ANKS1B: variants seen among roughly 807,000 people sequenced by gnomAD.
The protein encoded by ANKS1B is ankyrin repeat and sterile alpha motif domain-containing protein 1B.
In ANKS1B, 36 loss-of-function variants were observed where a neutral mutation model predicts 148.3. That is an observed-to-expected ratio of 0.24 (90% CI 0.19 to 0.32). The LOEUF (loss-of-function observed/expected upper bound fraction) is 0.32, where lower values mean the gene tolerates loss of function less well. Among genes scored for constraint, ANKS1B ranks in the 10% least tolerant of loss-of-function variants. The pLI is 1.00. For missense variants in ANKS1B, 1,157 were observed against 1,542.6 expected, an observed-to-expected ratio of 0.75 and a Z score of 4.19; for synonymous variants, 542 against 560.8, an observed-to-expected ratio of 0.97 and a Z score of 0.47.
chr12:99,863,055 C>CT (rs1211462395), intron 1 of ANKS1B, among the ~76,000 whole-genome samples: 1 of 152,218 alleles, frequency 6.6e-6, no homozygotes, highest in African/African-American at 2.4e-5. Context: ...GAACTAACAT[C>CT]TAACACCATA....
chr12:98,920,263 G>C (rs1042807089), intron 17 of ANKS1B, among the ~76,000 whole-genome samples: 27 of 152,180 alleles, frequency 1.8e-4, no homozygotes, highest in African/African-American at 6.5e-4. Context: ...CCAGAGGCTG[G>C]GCACCTTGAT....
rs77679543 is a variant in ANKS1B at position 99,055,934 on chromosome 12, G to A, written c.2626-2625C>T. On this transcript the variant is annotated intron_variant, in intron 16 of 26. Transcript: ENST00000683438. ...CCATCATATCAGGATTGCACGGAAT[G>A]CAGGCTGTTCAGTGGTCTGATTACT... Among the ~76,000 whole-genome samples the A allele has an allele frequency of 3.8e-3, 584 of 152,270 alleles. 4 individuals are homozygous for A. The highest frequency in any genetic ancestry group is 9.3e-3 in the South Asian group (45 of 4,818).
chr12:99,536,348 C>T (rs2097066395), intron 9 of ANKS1B, among the ~76,000 whole-genome samples: 1 of 152,168 alleles, frequency 6.6e-6, no homozygotes, highest in Non-Finnish European at 1.5e-5. Flanking sequence ...TGGGAAATCT[C>T]TGTACTTTCC....
chr12:98,996,695 C>A (rs956839817), intron 17 of ANKS1B, among the ~76,000 whole-genome samples: 1 of 151,636 alleles, frequency 6.6e-6, no homozygotes, highest in East Asian at 1.9e-4. Context: ...CGCCTGTAGT[C>A]CCAGCTACTT....
chr12:98,908,570 A>G (rs1168180132), intron 17 of ANKS1B, among the ~76,000 whole-genome samples: 1 of 152,238 alleles, frequency 6.6e-6, no homozygotes, highest in African/African-American at 2.4e-5. Context: ...GATGACATGT[A>G]TATTAAGAGA....
intron 1 of ANKS1B, among the ~76,000 whole-genome samples, chr12:99,891,163 G>C (rs1003082922): frequency 1.3e-5 from 2 of 152,216 alleles, no homozygotes; most frequent in African/African-American, 4.8e-5. Flanking sequence ...TCATGTAGTA[G>C]TAGGTCTATG....
chr12:99,217,195 T>C (rs565860330), intron 14 of ANKS1B, among the ~76,000 whole-genome samples: 1 of 152,144 alleles, frequency 6.6e-6, no homozygotes, highest in Non-Finnish European at 1.5e-5. Context: ...AAAATGTACG[T>C]TAACCTCTCC....
intron 8 of ANKS1B, among the ~76,000 whole-genome samples, chr12:99,728,393 A>G (rs1158265216): frequency 6.6e-6 from 1 of 152,264 alleles, no homozygotes; most frequent in Non-Finnish European, 1.5e-5. Flanking sequence ...ATCACTGATC[A>G]TTAGAGAAAT....
At chr12:99,737,804 C>T (rs1363406119) in intron 8 of ANKS1B, among the ~76,000 whole-genome samples, 1 of 151,822 alleles carries the variant, frequency 6.6e-6, no homozygotes, top group Admixed American at 6.6e-5. Context: ...GTTTTTTCTT[C>T]TCTTTTAGTT....
At chr12:99,255,652 T>C (rs992405007) in intron 12 of ANKS1B, among the ~76,000 whole-genome samples, 1 of 152,192 alleles carries the variant, frequency 6.6e-6, no homozygotes, top group Non-Finnish European at 1.5e-5. Context: ...ATTTGATATT[T>C]AGCATTTATA....
At chr12:99,518,957 T>A (rs1462924990) in intron 9 of ANKS1B, among the ~76,000 whole-genome samples, 1 of 152,112 alleles carries the variant, frequency 6.6e-6, no homozygotes, top group Non-Finnish European at 1.5e-5. Flanking sequence ...ATTTTTCAAT[T>A]TCCTTCTTAA....
At chr12:99,013,102 C>T (rs2099940399) in intron 17 of ANKS1B, among the ~76,000 whole-genome samples, 1 of 152,168 alleles carries the variant, frequency 6.6e-6, no homozygotes, top group African/African-American at 2.4e-5. Context: ...AAATAGCCAT[C>T]CTGGGGCTTA....
At chr12:99,974,596 G>C (rs919088215) in intron 1 of ANKS1B, among the ~76,000 whole-genome samples, 1 of 152,050 alleles carries the variant, frequency 6.6e-6, no homozygotes, top group Non-Finnish European at 1.5e-5. Context: ...AATTAGCCAG[G>C]CATGGTGGTT....
At chr12:99,172,529 C>G (rs2077892623) in intron 14 of ANKS1B, among the ~76,000 whole-genome samples, 1 of 152,100 alleles carries the variant, frequency 6.6e-6, no homozygotes, top group Admixed American at 6.6e-5. Flanking sequence ...CAAAGTAAGC[C>G]CTGGTTCAAC....
chr12:99,210,918 C>T (rs1429080070), intron 14 of ANKS1B, among the ~76,000 whole-genome samples: 2 of 152,228 alleles, frequency 1.3e-5, no homozygotes, highest in African/African-American at 4.8e-5. Flanking sequence ...TAAATGTTTG[C>T]ATGCAGCCAT....
chr12:99,495,342 AGTGTGTGTGTGTGTGT>A (rs56107230), intron 10 of ANKS1B, among the ~76,000 whole-genome samples: 6 of 145,396 alleles, frequency 4.1e-5, no homozygotes, highest in East Asian at 2.0e-4. Context: ...GGGGAGAAAA[AGTGTGTGTGTGTGTGT>A]GTGTGTGTGT....
intron 1 of ANKS1B, among the ~76,000 whole-genome samples, chr12:99,842,687 T>G (rs1295395504): frequency 6.6e-6 from 1 of 152,118 alleles, no homozygotes; most frequent in East Asian, 1.9e-4. Context: ...CACTTGCCCA[T>G]GCTATATTTG....
chr12:99,890,296 T>C (rs1050764400), intron 1 of ANKS1B, among the ~76,000 whole-genome samples: 1 of 152,146 alleles, frequency 6.6e-6, no homozygotes, highest in Non-Finnish European at 1.5e-5. Flanking sequence ...CCCTCCCTAA[T>C]GTAGATGAGG....
In ANKS1B at chr12:99,896,420, G is replaced by A. The variant is rs1036313089; in HGVS notation, c.135-71031C>T. Among the ~76,000 whole-genome samples the A allele has an allele frequency of 1.3e-4, 19 of 151,162 alleles. 1 individual carries two copies. Among genetic ancestry groups the A allele is most frequent in the African/African-American group, 4.4e-4 (18 of 41,298 alleles). On this transcript the variant is annotated intron_variant, in intron 1 of 26. Transcript: ENST00000683438. Reference sequence around the variant, plus strand: ...TACTTCCATTCATGTTGTTACAAATGGCAGTAACTCCTTCTTTAAGGCTGA... The same window carrying A: ...TACTTCCATTCATGTTGTTACAAATAGCAGTAACTCCTTCTTTAAGGCTGA...
Sources: allele counts gnomAD v4.1 joint callset (sites outside exome capture counted in the v4.1 genomes callset), GRCh38; gene constraint gnomAD v4.1.1; transcripts MANE v1.5; gene names NCBI Gene and HGNC (gene_info 2026-07-23, HGNC 2026-07-21).